The following ZCWPW2 variants were observed in gnomAD, a reference collection of about 807,000 sequenced individuals.
The protein encoded by ZCWPW2 is zinc finger CW-type and PWWP domain containing 2.
Under a neutral mutation model 46.6 loss-of-function variants are expected in ZCWPW2, and 45 were observed. The ratio of observed to expected loss-of-function variants is 0.96; its 90% CI spans 0.76 to 1.24. The LOEUF (loss-of-function observed/expected upper bound fraction) is 1.24. Among genes scored for constraint, ZCWPW2 ranks in the 50% most tolerant of loss-of-function variants. The pLI is 0.00. For synonymous variants in ZCWPW2, 152 were observed against 137.1 expected, an observed-to-expected ratio of 1.11 and a Z score of -0.76; for missense variants, 429 against 403.9, an observed-to-expected ratio of 1.06 and a Z score of -0.53.
Position 28,520,953 on chromosome 3 carries a change from A to C in ZCWPW2, c.785-39A>C, listed in dbSNP as rs769764747. 8 of 1,608,036 alleles carry C rather than the reference A, an allele frequency of 5.0e-6. No homozygotes were observed. In the South Asian group the frequency reaches 5.6e-5, roughly 11 times the overall value. On this transcript the variant is annotated intron_variant, in intron 8 of 9. Transcript: ENST00000383768. ...ATTATGAATTAGATTGAATTAAGTG[A>C]GATGTAGCATTTTTACTGTATTAAT...
chr3:28,365,955 GGTGTATAA>G (rs1246996287), intron 1 of ZCWPW2, among the ~76,000 whole-genome samples: 1 of 142,852 alleles, frequency 7.0e-6, no homozygotes, highest in Non-Finnish European at 1.6e-5. Context: ...GTCTGTTATT[GGTGTATAA>G]GAATGCTTGT....
intron 1 of ZCWPW2, among the ~76,000 whole-genome samples, chr3:28,384,778 T>A: frequency 1.3e-5 from 2 of 151,980 alleles, no homozygotes. Context: ...CACGGCCGGC[T>A]AATTTTTTTA....
chr3:28,355,495 A>G (rs1339718514), intron 1 of ZCWPW2, among the ~76,000 whole-genome samples: 1 of 152,244 alleles, frequency 6.6e-6, no homozygotes, highest in African/African-American at 2.4e-5. Flanking sequence ...ATTGGAAAAA[A>G]CTACTTTAAA....
At chr3:28,397,079 A>G (rs1432014630) in intron 2 of ZCWPW2, among the ~76,000 whole-genome samples, 1 of 151,858 alleles carries the variant, frequency 6.6e-6, no homozygotes, top group Non-Finnish European at 1.5e-5. Context: ...CAGTGAGACA[A>G]GATCACATCA....
chr3:28,517,800 G>GA (rs1309297130), intron 8 of ZCWPW2, among the ~76,000 whole-genome samples: 1 of 152,132 alleles, frequency 6.6e-6, no homozygotes, highest in Non-Finnish European at 1.5e-5. Context: ...ATCAGGAATG[G>GA]AAAAACAACA....
chr3:28,460,344 T>G (rs1185144765), intron 4 of ZCWPW2, among the ~76,000 whole-genome samples: 1 of 151,938 alleles, frequency 6.6e-6, no homozygotes, highest in Non-Finnish European at 1.5e-5. Context: ...AAAATTCTGC[T>G]GGGTTAAGGA....
intron 6 of ZCWPW2, among the ~76,000 whole-genome samples, chr3:28,502,076 G>A (rs550218803): frequency 6.6e-6 from 1 of 152,194 alleles, no homozygotes; most frequent in East Asian, 1.9e-4. Flanking sequence ...AATCTGTAGA[G>A]GGAAACTGCC....
intron 4 of ZCWPW2, among the ~76,000 whole-genome samples, chr3:28,439,863 G>T (rs548984684): frequency 3.9e-5 from 6 of 152,176 alleles, no homozygotes; most frequent in African/African-American, 1.4e-4. Flanking sequence ...AAATACTCAT[G>T]ACAATTACAG....
chr3:28,417,353 T>C (rs1348381465), intron 3 of ZCWPW2, among the ~76,000 whole-genome samples: 2 of 152,118 alleles, frequency 1.3e-5, no homozygotes, highest in African/African-American at 4.8e-5. Context: ...TAACAGGCTC[T>C]GAAATTGAGG....
chr3:28,413,339 A>G lies in ZCWPW2; in HGVS notation c.271A>G (p.Ile91Val). ...ESQLHQCGFK[I>V]VYSQLPLGSL... ...TCAGCTTCATCAGTGTGGATTTAAG[A>G]TTGTCTATTCACAGCTCCCTCTTGG... Residue 91 changes from isoleucine to valine, a missense_variant, in exon 3 of 10, where the codon ATT (isoleucine) becomes GTT (valine). Ile to Val is a conservative substitution (Grantham distance 29). Transcript: ENST00000383768. The G allele has an allele frequency of 1.2e-6, 2 of 1,613,090 alleles. No homozygotes were observed. The highest frequency in any genetic ancestry group is 1.7e-6 in the Non-Finnish European group (2 of 1,179,374).
intron 6 of ZCWPW2, among the ~76,000 whole-genome samples, chr3:28,513,199 T>A (rs772321390): frequency 9.9e-5 from 15 of 152,206 alleles, no homozygotes; most frequent in Non-Finnish European, 2.2e-4. Flanking sequence ...CTCCAAATGA[T>A]CTATATGCTC....
chr3:28,447,779 A>T, intron 4 of ZCWPW2: 1 of 761,696 alleles, frequency 1.3e-6, no homozygotes, highest in South Asian at 1.3e-5. Flanking sequence ...AACCACTAAT[A>T]AAACTAGGCT....
intron 2 of ZCWPW2, among the ~76,000 whole-genome samples, chr3:28,409,696 G>A (rs1696321253): frequency 6.6e-6 from 1 of 152,020 alleles, no homozygotes; most frequent in African/African-American, 2.4e-5. Flanking sequence ...ATTAAGAGTA[G>A]TATTAAGGGT....
rs371238253 is a variant in ZCWPW2, at chr3:28,408,693, T to C, written c.-13-4363T>C. The stretch of plus-strand genomic sequence containing the variant: ...GTCTTAGTAAAGATTCCAGTGTCAA[T>C]TTCATATTAAGTATTAGTAAAGCCT... On this transcript the variant is annotated intron_variant, in intron 2 of 9. Transcript: ENST00000383768. 5.3e-5 allele frequency among the ~76,000 whole-genome samples: 8 copies of C among 152,314 alleles called. No homozygotes were observed. In the East Asian group the frequency reaches 9.6e-4, roughly 18 times the overall value.
intron 1 of ZCWPW2, among the ~76,000 whole-genome samples, chr3:28,369,581 C>G (rs570508294): frequency 6.6e-6 from 1 of 152,308 alleles, no homozygotes; most frequent in South Asian, 2.1e-4. Context: ...GGAGGTGCCT[C>G]CCAGTTAGGC....
chr3:28,395,336 A>G (rs1695651289), intron 2 of ZCWPW2, among the ~76,000 whole-genome samples: 1 of 152,168 alleles, frequency 6.6e-6, no homozygotes, highest in Non-Finnish European at 1.5e-5. Flanking sequence ...ACTGTTGTGG[A>G]AAACAGTATG....
intron 9 of ZCWPW2, among the ~76,000 whole-genome samples, chr3:28,521,518 T>G (rs73823991): frequency 0.025 from 3,819 of 152,280 alleles, 152 homozygotes; most frequent in African/African-American, 0.085. Context: ...ACCAAGATAA[T>G]CTCTACAGGG....
rs368266488 is a variant in ZCWPW2, at chr3:28,520,983, T to G, written c.785-9T>G. On this transcript the variant is annotated splice_polypyrimidine_tract_variant and intron_variant, in intron 8 of 9. Coordinates refer to ENST00000383768, the MANE Select transcript of ZCWPW2 (RefSeq NM_001040432.4). ...TAGCATTTTTACTGTATTAATCCTG[T>G]TTTTTTAGTTGTCTGTGAGACGGAA... 6.2e-7 allele frequency: 1 copy of G among 1,612,502 alleles called. No individual in the cohort carries two copies. Among genetic ancestry groups the G allele is most frequent in the African/African-American group, 1.3e-5 (1 of 74,862 alleles).
chr3:28,509,570 C>T (rs1216003164), intron 6 of ZCWPW2, among the ~76,000 whole-genome samples: 1 of 152,020 alleles, frequency 6.6e-6, no homozygotes, highest in African/African-American at 2.4e-5. Flanking sequence ...ATTTTCATTT[C>T]TCTAATGACT....
Sources: allele counts gnomAD v4.1 joint callset (sites outside exome capture counted in the v4.1 genomes callset), GRCh38; gene constraint gnomAD v4.1.1; transcripts MANE v1.5; gene names NCBI Gene and HGNC (gene_info 2026-07-23, HGNC 2026-07-21).